HMGXB3: variants seen among roughly 807,000 people sequenced by gnomAD.
HMGXB3 encodes HMG-box containing 3.
HMGXB3 carries 45 observed loss-of-function variants against 121.5 expected under a neutral mutation model. The observed-to-expected ratio is 0.37, with a 90% CI of 0.29 to 0.47. The LOEUF (loss-of-function observed/expected upper bound fraction) is 0.47, where lower values mean the gene tolerates loss of function less well. HMGXB3 is among the 20% of genes least tolerant of loss of function. The probability of loss-of-function intolerance (pLI) is 0.99; values close to 1 mark genes in which losing one functional copy is unlikely to be tolerated. For synonymous variants in HMGXB3, 590 were observed against 624.1 expected, an observed-to-expected ratio of 0.95 and a Z score of 0.81; for missense variants, 1,376 against 1,602.2, an observed-to-expected ratio of 0.86 and a Z score of 2.41.
In HMGXB3 at chr5:150,052,649, C is replaced by G. The variant is rs1756955912; in HGVS notation, c.*457C>G. 1 of 163,994 alleles carries G rather than the reference C, an allele frequency of 6.1e-6. No individual in the cohort carries two copies. The highest frequency in any genetic ancestry group is 2.4e-5 in the African/African-American group (1 of 41,690). 10.2% of individuals were successfully genotyped at this position (163,994 alleles called of 1,614,324 possible). A position where few individuals can be genotyped will look rare whatever the true frequency, so the allele number is the denominator to read the frequency against. ...GAATTGCTTAGCCTGTTGCCTTTGACTAGGGGCCTGGGTGGCCTCATTAAC... is the reference window on the plus strand; with the variant it reads ...GAATTGCTTAGCCTGTTGCCTTTGAGTAGGGGCCTGGGTGGCCTCATTAAC... On this transcript the variant is annotated 3_prime_UTR_variant, in exon 20 of 20. Coordinates refer to ENST00000502717, the MANE Select transcript of HMGXB3 (RefSeq NM_014983.3).
intron 17 of HMGXB3, 96 bp downstream of exon 17, chr5:150,047,853 T>G: frequency 7.3e-7 from 1 of 1,363,360 alleles, no homozygotes; most frequent in Non-Finnish European, 1.0e-6. Context: ...TGATGGCATC[T>G]GCCTTGGACA....
chr5:150,051,217 A>T (rs756243065), intron 19 of HMGXB3, among the ~76,000 whole-genome samples: 3 of 152,182 alleles, frequency 2.0e-5, no homozygotes, highest in Non-Finnish European at 4.4e-5. Context: ...TGTACCCTCC[A>T]AGGCCAGCAG....
chr5:150,050,842 G>A (rs1397708118), intron 19 of HMGXB3, among the ~76,000 whole-genome samples: 1 of 152,188 alleles, frequency 6.6e-6, no homozygotes, highest in Non-Finnish European at 1.5e-5. Flanking sequence ...CACTTAGTGT[G>A]CCCAGGATAT....
At position 150,050,527 on chromosome 5, in the gene HMGXB3, G is replaced by A. The variant is rs138182116; in HGVS notation, c.3411+66G>A. 1.2e-3 allele frequency: 1,593 copies of A among 1,287,090 alleles called. 31 individuals carry two copies. In the East Asian group the frequency reaches 0.037, roughly 30 times the overall value. The allele number at this position is 1,287,090 out of a possible 1,614,324, so 79.7% of individuals were successfully genotyped here. A position where few individuals can be genotyped will look rare whatever the true frequency, so the allele number is the denominator to read the frequency against. ...TACCATGTCTTGCTCTGTCACCCAG[G>A]CTGGAGTGCAGTGGTGTTATCTCGG... On this transcript the variant is annotated intron_variant, in intron 19 of 19. Coordinates refer to ENST00000502717, the MANE Select transcript of HMGXB3 (RefSeq NM_014983.3).
rs1211059049 is a variant in HMGXB3, at chr5:150,051,989, A to G, written c.3676A>G (p.Thr1226Ala). The G allele has an allele frequency of 3.9e-6, 6 of 1,552,012 alleles. No homozygotes were observed. Among genetic ancestry groups the G allele is most frequent in the African/African-American group, 2.7e-5 (2 of 73,052 alleles). Residue 1226 changes from threonine to alanine, a missense_variant, in exon 20 of 20, where the codon ACT becomes GCT. Around this residue, in one of 2 missense-constraint regions of HMGXB3, gnomAD observed 260 missense variants for 233.2 expected, o/e 1.11. Transcript: ENST00000502717. ...GCGGCCCATTGCCTTCGACAATGCC[A>G]CTCACTATTACCTCTACAACCGCCT... is the stretch of plus-strand genomic sequence containing the variant. Reference protein sequence around the residue: ...RQRPIAFDNATHYYLYNRLMD... With the variant: ...RQRPIAFDNAAHYYLYNRLMD...
intron 11 of HMGXB3, among the ~76,000 whole-genome samples, chr5:150,032,820 C>T (rs974467615): frequency 6.6e-6 from 1 of 152,168 alleles, no homozygotes; most frequent in African/African-American, 2.4e-5. Flanking sequence ...GTATCTTGAT[C>T]TCTGAGAACC....
intron 1 of HMGXB3, among the ~76,000 whole-genome samples, chr5:150,003,926 T>C (rs975702866): frequency 3.3e-5 from 5 of 151,794 alleles, no homozygotes; most frequent in Admixed American, 1.3e-4. Context: ...TGTTCTCTAG[T>C]GACAGAGTGA....
At position 150,015,278 on chromosome 5, in the gene HMGXB3, CTTTCT is replaced by C. The variant is rs372523072; in HGVS notation, c.909+2944_909+2948del. ...GAAGCTGATGTCATTGATTCAAAAC[CTTTCT>C]TTTCTTTTCTTTTCTTTTTTTGGTA... On this transcript the variant is annotated intron_variant, in intron 5 of 19. Transcript: ENST00000502717. 13 of 168,306 alleles carry C rather than the reference CTTTCT, an allele frequency of 7.7e-5. No individual in the cohort carries two copies. In the South Asian group the frequency reaches 7.9e-4, roughly 10 times the overall value. The allele number at this position is 168,306 out of a possible 1,614,324, so 10.4% of individuals were successfully genotyped here.
intron 17 of HMGXB3, among the ~76,000 whole-genome samples, 180 bp downstream of exon 17, chr5:150,047,937 C>CT (rs1371965227): frequency 2.0e-5 from 3 of 152,228 alleles, no homozygotes; most frequent in South Asian, 2.1e-4. Flanking sequence ...GGCCTGGCCT[C>CT]TAACAGTTCC....
Position 150,010,352 on chromosome 5 carries a change from TGGAGGCCCTGGCTGA to T in HMGXB3, c.560_574del (p.Ala187_Glu191del). On this transcript the variant is annotated inframe_deletion, in exon 4 of 20. Coordinates refer to ENST00000502717, the MANE Select transcript of HMGXB3 (RefSeq NM_014983.3). ...GGCATGGCAGAGCAGTGCCTGGCTG[TGGAGGCCCTGGCTGA>T]GGAGGTGGGAGCCCTTACCCAGTCA... 6.4e-7 allele frequency: 1 copy of T among 1,551,648 alleles called. No individual in the cohort carries two copies. Among genetic ancestry groups the T allele is most frequent in the African/African-American group, 1.4e-5 (1 of 73,130 alleles).
chr5:150,036,532 G>A, intron 11 of HMGXB3, 104 bp from the exon 12 acceptor site: 1 of 1,066,722 alleles, frequency 9.4e-7, no homozygotes, highest in Non-Finnish European at 1.3e-6. Context: ...CCACCTATCA[G>A]TCATGGGCCC....
chr5:150,014,061 C>A lies in HMGXB3; in HGVS notation c.909+1708C>A, dbSNP rs188384422. Among the ~76,000 whole-genome samples the A allele has an allele frequency of 1.4e-3, 211 of 152,354 alleles. 2 individuals are homozygous for A. The South Asian group carries it at 0.035, about 26-fold the overall frequency. ...TTGATTGTTTCTGGACAGTTACTAC[C>A]TGTGTGGAAAAATTCAGGGTGCTAA... On this transcript the variant is annotated intron_variant, in intron 5 of 19. Transcript: ENST00000502717.
rs1372899323 is a variant in HMGXB3, at chr5:150,040,799, C to G, written c.2465C>G (p.Ala822Gly). 1 of 1,551,822 alleles carries G rather than the reference C, an allele frequency of 6.4e-7. No homozygotes were observed. The highest frequency in any genetic ancestry group is 1.4e-5 in the African/African-American group (1 of 73,016). ...KLLVSLDLLFAIRNQIKLGED... is the reference protein window; with the variant it reads ...KLLVSLDLLFGIRNQIKLGED... ...CTGGTAAGCCTGGACTTGCTTTTTG[C>G]AATCAGAAATCAGATCAAGCTCGGA... Residue 822 changes from alanine to glycine, a missense_variant, in exon 14 of 20, where the codon GCA (alanine) becomes GGA (glycine). By Grantham distance (60) the Ala-to-Gly change is moderately conservative (BLOSUM62 0). This residue lies in a region of HMGXB3 where 1,116 missense variants were observed against 1,369.0 expected (regional missense o/e 0.82). Transcript: ENST00000502717.
intron 14 of HMGXB3, 100 bp downstream of exon 14, chr5:150,040,979 T>G: frequency 8.7e-7 from 1 of 1,151,442 alleles, no homozygotes; most frequent in Non-Finnish European, 1.2e-6. Context: ...AAGAAGAGTC[T>G]GATTATTTTG....
At chr5:150,037,270 G>A (rs1338942583) in intron 12 of HMGXB3, 130 bp from the exon 13 acceptor site, 20 of 895,900 alleles carry the variant, frequency 2.2e-5, no homozygotes, top group Non-Finnish European at 9.8e-6. Flanking sequence ...TTCCAACAAA[G>A]TGGAAATACC....
At chr5:150,037,019 A>G (rs1024233218) in intron 12 of HMGXB3, 82 bp downstream of exon 12, 64 of 1,205,500 alleles carry the variant, frequency 5.3e-5, no homozygotes, top group Middle Eastern at 5.4e-4. Context: ...CATTAAAACT[A>G]TAACTGTGAA....
intron 11 of HMGXB3, among the ~76,000 whole-genome samples, chr5:150,034,658 C>T (rs1446225235): frequency 6.6e-6 from 1 of 152,162 alleles, no homozygotes; most frequent in Non-Finnish European, 1.5e-5. Context: ...TTTCCAATCT[C>T]CTAAAGTTTG....
chr5:150,051,135 C>G (rs969951031), intron 19 of HMGXB3, among the ~76,000 whole-genome samples: 1 of 152,216 alleles, frequency 6.6e-6, no homozygotes, highest in Admixed American at 6.5e-5. Flanking sequence ...CCGGGTCCCA[C>G]AGCAGATTAG....
At chr5:150,048,944 GA>G (rs1484875382) in intron 18 of HMGXB3, among the ~76,000 whole-genome samples, 4 of 152,214 alleles carry the variant, frequency 2.6e-5, no homozygotes, top group Non-Finnish European at 5.9e-5. Context: ...GAATGACAAA[GA>G]TGTCGTTCCT....
Sources: allele counts gnomAD v4.1 joint callset (sites outside exome capture counted in the v4.1 genomes callset), GRCh38; gene constraint gnomAD v4.1.1; regional missense constraint gnomAD v4.1.1; transcripts MANE v1.5; gene names NCBI Gene and HGNC (gene_info 2026-07-23, HGNC 2026-07-21).